The following SPATA22 variants were observed in gnomAD, a reference collection of about 807,000 sequenced individuals.
SPATA22 encodes the protein spermatogenesis-associated protein 22.
SPATA22 carries 29 observed loss-of-function variants against 47.8 expected under a neutral mutation model. The ratio of observed to expected loss-of-function variants is 0.61; its 90% CI spans 0.45 to 0.83. The LOEUF is 0.83. Among genes scored for constraint, SPATA22 ranks in the 40% least tolerant of loss-of-function variants. SPATA22 has a pLI of 0.00. For missense variants in SPATA22, 410 were observed against 421.7 expected (o/e 0.97, Z 0.24); for synonymous variants, 133 against 140.9 (o/e 0.94, Z 0.40).
chr17:3,459,635 T>C (rs1567599703), intron 5 of SPATA22, among the ~76,000 whole-genome samples: 1 of 152,164 alleles, frequency 6.6e-6, no homozygotes, highest in Non-Finnish European at 1.5e-5. Flanking sequence ...CTCAAACTAC[T>C]GACCTCAAGT....
chr17:3,468,462 A>C (rs1418990633), intron 2 of SPATA22: 1 of 152,246 alleles, frequency 6.6e-6, no homozygotes, highest in East Asian at 1.9e-4. Context: ...ACAGTCTCTG[A>C]TGAAAGGCTG....
At chr17:3,441,511 G>A (rs1316871464) in intron 8 of SPATA22, 29 of 152,016 alleles carry the variant, frequency 1.9e-4, no homozygotes, top group Admixed American at 1.7e-3. Flanking sequence ...AATACTAAGC[G>A]TTCGTAAGAA....
At chr17:3,477,922 C>T (rs980362483) in intron 1 of SPATA22, among the ~76,000 whole-genome samples, 2 of 151,868 alleles carry the variant, frequency 1.3e-5, no homozygotes, top group African/African-American at 4.8e-5. Flanking sequence ...GTGGCTCACA[C>T]CTGTAATCCC....
At chr17:3,441,912 T>C (rs1223729094) in intron 8 of SPATA22, 1 of 152,076 alleles carries the variant, frequency 6.6e-6, no homozygotes, top group Non-Finnish European at 1.5e-5. Flanking sequence ...ACATAATGTA[T>C]GATACTATTT....
In SPATA22 at chr17:3,503,202, GGAATGAAT is replaced by G. The variant is rs536159310; in HGVS notation, c.-74+10202_-74+10209del. 2.6e-4 allele frequency: 39 copies of G among 151,686 alleles called. No individual in the cohort carries two copies. The East Asian group carries it at 4.1e-3, about 16-fold the overall frequency. The allele number at this position is 151,686 out of a possible 1,614,324, so 9.4% of individuals were successfully genotyped here. On this transcript the variant is annotated intron_variant, in intron 1 of 8. Coordinates refer to the SPATA22 transcript ENST00000541913. ...TTTACCAAAAATACTAACATTATCT[GGAATGAAT>G]GAATGAATGAATGAATGAATAAATA...
chr17:3,461,704 A>T (rs966089608), intron 5 of SPATA22, among the ~76,000 whole-genome samples: 92 of 152,330 alleles, frequency 6.0e-4, no homozygotes, highest in African/African-American at 2.1e-3. Context: ...CCTTTTAAAA[A>T]AATACGATAT....
intron 1 of SPATA22, among the ~76,000 whole-genome samples, chr17:3,478,713 C>A (rs73307204): frequency 0.015 from 2,298 of 152,246 alleles, 61 homozygotes; most frequent in African/African-American, 0.052. Context: ...CTGTTCCCAG[C>A]GTGGTTGAAA....
In SPATA22 at chr17:3,488,572, G is replaced by A. The variant is rs1964623; in HGVS notation, c.-73-19174C>T. Among the ~76,000 whole-genome samples, 35,870 of 152,014 alleles carry A rather than the reference G, an allele frequency of 0.24. 4,567 individuals are homozygous for A. The highest frequency in any genetic ancestry group is 0.46 in the East Asian group (2,357 of 5,156). On this transcript the variant is annotated intron_variant, in intron 1 of 8. Transcript: ENST00000541913. The surrounding 1 kb of genome is among the most constrained non-coding windows in gnomAD (Gnocchi z 6.1). ...CTCGGGAGGCTGAGGCAGAAGAATC[G>A]CTTGAACCTGGGAGGCAGAGGTTGC...
At chr17:3,440,372 T>G in intron 8 of SPATA22, 34 bp from the exon 9 acceptor site, 1 of 1,479,660 alleles carries the variant, frequency 6.8e-7, no homozygotes, top group South Asian at 1.4e-5. Flanking sequence ...AAAAAATAGT[T>G]ATTACTTCAT....
chr17:3,488,358 G>A lies in SPATA22; in HGVS notation c.-73-18960C>T, dbSNP rs187215379. Among the ~76,000 whole-genome samples, 218 of 152,208 alleles carry A rather than the reference G, an allele frequency of 1.4e-3. 1 individual carries two copies. The highest frequency in any genetic ancestry group is 3.4e-3 in the Middle Eastern group (1 of 294). Reference sequence around the variant, plus strand: ...AAGAAATGAACACAAGTTTTTTCCTGCATAAAATTAAAACCAGGCCAAGCA... The same window carrying A: ...AAGAAATGAACACAAGTTTTTTCCTACATAAAATTAAAACCAGGCCAAGCA... On this transcript the variant is annotated intron_variant, in intron 1 of 8. Coordinates refer to the SPATA22 transcript ENST00000541913. The surrounding 1 kb of genome is among the most constrained non-coding windows in gnomAD (Gnocchi z 6.1).
At chr17:3,484,940 T>C (rs895011249) in intron 1 of SPATA22, among the ~76,000 whole-genome samples, 6 of 152,234 alleles carry the variant, frequency 3.9e-5, no homozygotes, top group African/African-American at 1.4e-4. Context: ...GCTGATAATG[T>C]ATGCTTACTA....
chr17:3,468,087 C>G (rs2073353673), intron 2 of SPATA22: 1 of 152,158 alleles, frequency 6.6e-6, no homozygotes, highest in African/African-American at 2.4e-5. Flanking sequence ...GCCTGGAACT[C>G]AAAACTCTGC....
rs2073805252 is a variant in SPATA22, at chr17:3,490,457, GTTGA to G, written c.-73-21063_-73-21060del. 6.6e-6 allele frequency among the ~76,000 whole-genome samples: 1 copy of G among 152,190 alleles called. No homozygotes were observed. Among genetic ancestry groups the G allele is most frequent in the Admixed American group, 6.5e-5 (1 of 15,278 alleles). Reference sequence around the variant, plus strand: ...TCCAACAGACTGAGTTGAAATTGTTGTTGAGGAATGGGCAATTATAATAACAGAG... The same window carrying G: ...TCCAACAGACTGAGTTGAAATTGTTGGGAATGGGCAATTATAATAACAGAG... On this transcript the variant is annotated intron_variant, in intron 1 of 8. Transcript: ENST00000541913. This position sits in a 1 kb window ranked among gnomAD's most constrained non-coding sequence, Gnocchi z 4.6.
At chr17:3,481,834 G>C (rs1439341714) in intron 1 of SPATA22, 3 of 1,522,340 alleles carry the variant, frequency 2.0e-6, no homozygotes, top group Non-Finnish European at 2.7e-6. Flanking sequence ...AGTTAGCAAA[G>C]GACTTGTACT....
chr17:3,490,702 A>G lies in SPATA22; in HGVS notation c.-73-21304T>C, dbSNP rs996638951. On this transcript the variant is annotated intron_variant, in intron 1 of 8. Coordinates refer to the SPATA22 transcript ENST00000541913. The surrounding 1 kb of genome is among the most constrained non-coding windows in gnomAD (Gnocchi z 4.6). ...GAAGATCACAACATACTTACAATAA[A>G]CCCTCTGAATAGGAAGTGTGGGACT... 4.6e-5 allele frequency among the ~76,000 whole-genome samples: 7 copies of G among 152,154 alleles called. No individual in the cohort carries two copies. The highest frequency in any genetic ancestry group is 1.7e-4 in the African/African-American group (7 of 41,422).
At chr17:3,489,439 G>A in intron 1 of SPATA22, 2 of 1,073,628 alleles carry the variant, frequency 1.9e-6, no homozygotes, top group Non-Finnish European at 2.8e-6. Context: ...AAGATATGAA[G>A]TGCTTTTTAA....
chr17:3,486,766 A>T (rs985956096), intron 1 of SPATA22, among the ~76,000 whole-genome samples: 2 of 152,250 alleles, frequency 1.3e-5, no homozygotes, highest in Non-Finnish European at 1.5e-5. Context: ...ATCTAAAATT[A>T]TTCTGGAAAT....
At position 3,490,151 on chromosome 17, in the gene SPATA22, C is replaced by T. The variant is rs1330815401; in HGVS notation, c.-73-20753G>A. Among the ~76,000 whole-genome samples, 2 of 152,152 alleles carry T rather than the reference C, an allele frequency of 1.3e-5. No individual in the cohort carries two copies. The highest frequency in any genetic ancestry group is 2.9e-5 in the Non-Finnish European group (2 of 68,024). ...AAGTCCTAGAAGAAAACACACCAAA[C>T]TGATAACAATAGTTACCGGGGACGG... On this transcript the variant is annotated intron_variant, in intron 1 of 8. Transcript: ENST00000541913. The surrounding 1 kb of genome is among the most constrained non-coding windows in gnomAD (Gnocchi z 4.6).
chr17:3,478,171 C>T (rs148634426), intron 1 of SPATA22, among the ~76,000 whole-genome samples: 3,388 of 151,110 alleles, frequency 0.022, 52 homozygotes, highest in Non-Finnish European at 0.036. Flanking sequence ...GGTGACAGAG[C>T]GAGACTCCGT....
Sources: gnomAD v4.1 joint callset for allele counts (sites outside exome capture counted in the v4.1 genomes callset) on GRCh38, gnomAD v4.1.1 for gene constraint, Gnocchi (gnomAD v3.1) non-coding constraint, MANE v1.5 for transcripts, NCBI Gene and HGNC (gene_info 2026-07-23, HGNC 2026-07-21) for gene names.